The following ANHX variants were observed in gnomAD, a reference collection of about 807,000 sequenced individuals.
ANHX encodes the protein anomalous homeobox protein.
Under a neutral mutation model 38.9 loss-of-function variants are expected in ANHX, and 20 were observed. The observed-to-expected ratio is 0.51, with a 90% confidence interval of 0.36 to 0.75. The LOEUF (loss-of-function observed/expected upper bound fraction) is 0.75, where lower values mean the gene tolerates loss of function less well. Among genes scored for constraint, ANHX ranks in the 30% least tolerant of loss-of-function variants. The pLI is 0.00. For synonymous variants in ANHX, 185 were observed against 203.1 expected, an observed-to-expected ratio of 0.91 and a Z score of 0.76; for missense variants, 475 against 493.1, an observed-to-expected ratio of 0.96 and a Z score of 0.35.
rs1448072933 is a variant in ANHX, at chr12:133,221,672, G to T, written c.1133-320C>A. ...GTCTGCAGCTTGCTCCGTCCTGCTG[G>T]TGCGGAAGGATGTGCCAGGAGCCCT... On this transcript the variant is annotated intron_variant, in intron 7 of 9. Transcript: ENST00000545940. The surrounding 1 kb of genome is among the most constrained non-coding windows in gnomAD (Gnocchi z 4.1). Among the ~76,000 whole-genome samples the T allele has an allele frequency of 6.6e-6, 1 of 152,150 alleles. No individual in the cohort carries two copies. Among genetic ancestry groups the T allele is most frequent in the African/African-American group, 2.4e-5 (1 of 41,434 alleles).
chr12:133,225,316 C>T (rs1260858595), intron 7 of ANHX, among the ~76,000 whole-genome samples: 1 of 134,516 alleles, frequency 7.4e-6, no homozygotes, highest in African/African-American at 3.2e-5. Flanking sequence ...TGCATACATA[C>T]ACACACACAC....
chr12:133,224,702 A>T (rs906946887), intron 7 of ANHX, among the ~76,000 whole-genome samples: 2 of 145,570 alleles, frequency 1.4e-5, no homozygotes, highest in Non-Finnish European at 3.0e-5. Context: ...GTGGTGGCTC[A>T]CGCCTGTAAT....
chr12:133,230,115 T>C (rs1156264377), intron 3 of ANHX, among the ~76,000 whole-genome samples: 1 of 152,250 alleles, frequency 6.6e-6, no homozygotes, highest in Non-Finnish European at 1.5e-5. Context: ...TTATGTGACC[T>C]ACTTTATTTT....
chr12:133,232,935 G>A (rs559457990), intron 2 of ANHX, among the ~76,000 whole-genome samples: 42 of 151,914 alleles, frequency 2.8e-4, no homozygotes, highest in Admixed American at 9.2e-4. Context: ...CAACCTTCTA[G>A]TTACAAACAG....
At chr12:133,225,413 G>A (rs1011640324) in intron 7 of ANHX, among the ~76,000 whole-genome samples, 123 bp downstream of exon 7, 23 of 152,282 alleles carry the variant, frequency 1.5e-4, no homozygotes, top group Admixed American at 1.4e-3. Context: ...TTGGTTCCAG[G>A]TCTAATCAAA....
chr12:133,229,613 A>G (rs1037549538), intron 3 of ANHX, among the ~76,000 whole-genome samples: 2 of 151,952 alleles, frequency 1.3e-5, no homozygotes, highest in African/African-American at 4.8e-5. Context: ...TTCCCCAGCC[A>G]CGATCCCAGC....
In ANHX at chr12:133,231,554, C is replaced by T. The variant is rs995202689; in HGVS notation, c.340G>A (p.Ala114Thr). Residue 114 changes from alanine to threonine, a missense_variant, in exon 3 of 10, where the codon GCG (alanine) becomes ACG (threonine). Coordinates refer to ENST00000545940, the MANE Select transcript of ANHX (RefSeq NM_001372060.1). ...RLVMRRLGVA[A>T]LTPVQKFRCR... is the part of the protein sequence containing the mutation. ...CGGAACTTCTGCACCGGGGTGAGCG[C>T]AGCCACGCCCAGCCTCCTCATGACC... 5.9e-6 allele frequency: 9 copies of T among 1,536,008 alleles called. No homozygotes were observed. The highest frequency in any genetic ancestry group is 1.4e-5 in the African/African-American group (1 of 73,048).
chr12:133,235,082 C>G (rs1327346554), intron 1 of ANHX: 1 of 146,520 alleles, frequency 6.8e-6, no homozygotes, highest in African/African-American at 2.5e-5. Context: ...TTCTGCCGTG[C>G]GCCCGCCAAG....
chr12:133,234,208 T>C lies in ANHX; in HGVS notation c.149A>G (p.Gln50Arg), dbSNP rs568867315. Residue 50 changes from glutamine (Q) to arginine (R), a missense_variant, in exon 2 of 10, where the codon CAG (glutamine) becomes CGG (arginine). Transcript: ENST00000545940. ...GTTGTCCAGGAGATGCAGGCGGAGCTGGCTGTCCAGAATGGCTGTGACCAA... is the reference window on the plus strand; with the variant it reads ...GTTGTCCAGGAGATGCAGGCGGAGCCGGCTGTCCAGAATGGCTGTGACCAA... ...QPLVTAILDS[Q>R]LRLHLLDNAD... 667 of 1,536,174 alleles carry C rather than the reference T, an allele frequency of 4.3e-4. 1 individual carries two copies. The Middle Eastern group carries it at 0.011, about 25-fold the overall frequency.
intron 8 of ANHX, 50 bp from the exon 9 acceptor site, chr12:133,219,417 G>GTGGATTTTGTCACCCCA: frequency 7.6e-7 from 1 of 1,318,604 alleles, no homozygotes; most frequent in Non-Finnish European, 1.0e-6. Context: ...GGGACACTGG[G>GTGGATTTTGTCACCCCA]GTGACAAAAT....
intron 8 of ANHX, among the ~76,000 whole-genome samples, chr12:133,219,912 G>A (rs894169253): frequency 1.4e-5 from 2 of 148,048 alleles, no homozygotes; most frequent in African/African-American, 5.3e-5. Flanking sequence ...TGGCTCCCCA[G>A]AGAGAGAAAG....
At chr12:133,223,506 C>T (rs1012066063) in intron 7 of ANHX, among the ~76,000 whole-genome samples, 3 of 147,054 alleles carry the variant, frequency 2.0e-5, no homozygotes, top group Non-Finnish European at 3.0e-5. Flanking sequence ...AGTGCAGTAG[C>T]GCAATCTCAG....
chr12:133,219,143 G>T, intron 9 of ANHX, 140 bp downstream of exon 9: 1 of 1,010,410 alleles, frequency 9.9e-7, no homozygotes, highest in Non-Finnish European at 1.5e-6. Flanking sequence ...GTAATGTCCA[G>T]CCACAAATCA....
chr12:133,227,257 A>G, intron 4 of ANHX, 105 bp from the exon 5 acceptor site: 1 of 1,259,426 alleles, frequency 7.9e-7, no homozygotes, highest in Non-Finnish European at 1.1e-6. Flanking sequence ...AGGGGGTGAC[A>G]GCCCAGCCTA....
chr12:133,220,976 T>C (rs912065544), intron 8 of ANHX, among the ~76,000 whole-genome samples: 23 of 152,234 alleles, frequency 1.5e-4, no homozygotes, highest in African/African-American at 5.5e-4. Context: ...CCTGATCATG[T>C]CCAATGCATG....
intron 1 of ANHX, 90 bp from the exon 2 acceptor site, chr12:133,234,468 T>C: frequency 7.1e-7 from 1 of 1,415,038 alleles, no homozygotes; most frequent in Non-Finnish European, 9.4e-7. Context: ...AAGCAGGTGA[T>C]GCACGGCTCT....
At chr12:133,224,982 AAC>A (rs1957170599) in intron 7 of ANHX, among the ~76,000 whole-genome samples, 1 of 151,522 alleles carries the variant, frequency 6.6e-6, no homozygotes, top group African/African-American at 2.4e-5. Context: ...AAAAAACAAA[AAC>A]AAAAAAGAAA....
chr12:133,223,547 G>C (rs1957143602), intron 7 of ANHX, among the ~76,000 whole-genome samples: 1 of 150,432 alleles, frequency 6.6e-6, no homozygotes, highest in African/African-American at 2.4e-5. Flanking sequence ...CCGGGTTCAA[G>C]TGATTCTCCT....
At chr12:133,229,064 C>T (rs975719139) in intron 3 of ANHX, among the ~76,000 whole-genome samples, 2 of 152,192 alleles carry the variant, frequency 1.3e-5, no homozygotes, top group African/African-American at 2.4e-5. Flanking sequence ...CTTCCTCTCA[C>T]TGGCCATGTC....
Sources: gnomAD v4.1 joint callset for allele counts (sites outside exome capture counted in the v4.1 genomes callset) on GRCh38, gnomAD v4.1.1 for gene constraint, Gnocchi (gnomAD v3.1) non-coding constraint, MANE v1.5 for transcripts, NCBI Gene and HGNC (gene_info 2026-07-23, HGNC 2026-07-21) for gene names.